Variants in ENPP3 observed in about 807,000 individuals in gnomAD.
ENPP3 encodes the protein ectonucleotide pyrophosphatase/phosphodiesterase 3, also known as ectonucleotide pyrophosphatase/phosphodiesterase family member 3.
A neutral mutation model predicts 117.8 loss-of-function variants in ENPP3; 104 were observed. That is an observed-to-expected ratio of 0.88 (90% CI 0.75 to 1.04). ENPP3 has a LOEUF of 1.04. Among genes scored for constraint, ENPP3 ranks in the 50% least tolerant of loss-of-function variants. The pLI is 0.00. For synonymous variants in ENPP3, 380 were observed against 349.9 expected, an observed-to-expected ratio of 1.09 and a Z score of -0.96; for missense variants, 1,026 against 1,051.9, an observed-to-expected ratio of 0.98 and a Z score of 0.34.
At chr6:131,656,766 CAA>C (rs776315476) in intron 5 of ENPP3, among the ~76,000 whole-genome samples, 35 of 90,802 alleles carry the variant, frequency 3.9e-4, no homozygotes, top group South Asian at 2.7e-3. Context: ...GACTCCGTCT[CAA>C]AAAAAAAAAA....
At chr6:131,662,748 A>T (rs903987675) in intron 6 of ENPP3, among the ~76,000 whole-genome samples, 2 of 152,094 alleles carry the variant, frequency 1.3e-5, no homozygotes, top group African/African-American at 4.8e-5. Context: ...TTTGATAAAG[A>T]TTACATTGAA....
At chr6:131,734,406 A>G (rs972948602) in intron 21 of ENPP3, among the ~76,000 whole-genome samples, 2 of 152,128 alleles carry the variant, frequency 1.3e-5, no homozygotes, top group African/African-American at 4.8e-5. Flanking sequence ...TGCCTATGAG[A>G]TTTTCAACAA....
At position 131,641,453 on chromosome 6, in the gene ENPP3, A is replaced by G. The variant is rs1302701126; in HGVS notation, c.79-2A>G. 6 of 1,605,110 alleles carry G rather than the reference A, an allele frequency of 3.7e-6. No individual in the cohort carries two copies. In the Admixed American group the frequency reaches 6.7e-5, roughly 18 times the overall value. Reference sequence around the variant, plus strand: ...AAAGTTACTTTTTCCTTTTTGCAATAGGTTCTTCTTGCTTTGCTGGTGATC... The same window carrying G: ...AAAGTTACTTTTTCCTTTTTGCAATGGGTTCTTCTTGCTTTGCTGGTGATC... On this transcript the variant is annotated splice_acceptor_variant, in intron 1 of 24. Coordinates refer to ENST00000357639, the MANE Select transcript of ENPP3 (RefSeq NM_005021.5). LOFTEE classifies it high-confidence loss of function.
In ENPP3 at chr6:131,735,669, T is replaced by C. The variant is rs76642512; in HGVS notation, c.2090-1686T>C. Among the ~76,000 whole-genome samples, 5 of 152,302 alleles carry C rather than the reference T, an allele frequency of 3.3e-5. No individual in the cohort carries two copies. The South Asian group carries it at 6.2e-4, about 19-fold the overall frequency. ...AAAGTATTATAATAGAAAATTCATATAAGTGGAATTGTGCACTATATGTGT... is the reference window on the plus strand; with the variant it reads ...AAAGTATTATAATAGAAAATTCATACAAGTGGAATTGTGCACTATATGTGT... On this transcript the variant is annotated intron_variant, in intron 21 of 24. Coordinates refer to ENST00000357639, the MANE Select transcript of ENPP3 (RefSeq NM_005021.5).
At chr6:131,680,208 T>C (rs1778995009) in intron 11 of ENPP3, among the ~76,000 whole-genome samples, 1 of 152,076 alleles carries the variant, frequency 6.6e-6, no homozygotes, top group Admixed American at 6.6e-5. Flanking sequence ...GAGGCAAACA[T>C]TGTGGATGGA....
At chr6:131,690,045 G>A (rs1044624191) in intron 14 of ENPP3, among the ~76,000 whole-genome samples, 9 of 152,272 alleles carry the variant, frequency 5.9e-5, no homozygotes, top group Admixed American at 2.6e-4. Context: ...TGCTTCTTAC[G>A]GATGAGTAAA....
chr6:131,649,922 G>T, intron 2 of ENPP3, 105 bp from the exon 3 acceptor site: 1 of 1,169,910 alleles, frequency 8.5e-7, no homozygotes, highest in African/African-American at 1.5e-5. Flanking sequence ...TCATCTAGTT[G>T]TCTGTCATAG....
intron 11 of ENPP3, 144 bp from the exon 12 acceptor site, chr6:131,682,910 G>T (rs756062278): frequency 3.2e-6 from 2 of 630,300 alleles, no homozygotes; most frequent in African/African-American, 3.8e-5. Flanking sequence ...TGGTAGCATG[G>T]GTGCTAGTGC....
At chr6:131,646,284 G>GTGTT (rs974273259) in intron 2 of ENPP3, among the ~76,000 whole-genome samples, 9 of 148,626 alleles carry the variant, frequency 6.1e-5, no homozygotes, top group African/African-American at 2.3e-4. Flanking sequence ...CTGTGTGTGT[G>GTGTT]TGTGTGTGTG....
At chr6:131,698,060 T>G (rs1779448150) in intron 15 of ENPP3, among the ~76,000 whole-genome samples, 1 of 152,168 alleles carries the variant, frequency 6.6e-6, no homozygotes, top group African/African-American at 2.4e-5. Flanking sequence ...ACATAGATTT[T>G]TATTTCCAGC....
Position 131,658,331 on chromosome 6 carries a change from T to C in ENPP3, c.473T>C (p.Leu158Pro), listed in dbSNP as rs200033475. ...TTGTTTTCCATTTTCAGGTTTGACC[T>C]GCCACCAGTTATCTTGTTTTCTATG... Reference protein sequence around the residue: ...QQSQCPEGFDLPPVILFSMDG... With the variant: ...QQSQCPEGFDPPPVILFSMDG... Residue 158 changes from leucine (L) to proline (P), a missense_variant, in exon 6 of 25, where the codon CTG becomes CCG. Coordinates refer to ENST00000357639, the MANE Select transcript of ENPP3 (RefSeq NM_005021.5). 122 of 1,603,070 alleles carry C rather than the reference T, an allele frequency of 7.6e-5. No homozygotes were observed. Among genetic ancestry groups the C allele is most frequent in the Non-Finnish European group, 9.7e-5 (114 of 1,170,414 alleles).
chr6:131,694,579 G>A (rs1345412313), intron 15 of ENPP3, among the ~76,000 whole-genome samples: 1 of 152,052 alleles, frequency 6.6e-6, no homozygotes, highest in Non-Finnish European at 1.5e-5. Context: ...CAAAGAAAAA[G>A]GAGATGACAC....
chr6:131,701,491 G>A, intron 15 of ENPP3: 2 of 604,786 alleles, frequency 3.3e-6, no homozygotes, highest in Non-Finnish European at 6.0e-6. Flanking sequence ...GGCACTCTTT[G>A]GTGAAGTAGA....
At chr6:131,644,381 A>T (rs1778114351) in intron 2 of ENPP3, among the ~76,000 whole-genome samples, 2 of 152,232 alleles carry the variant, frequency 1.3e-5, no homozygotes, top group African/African-American at 4.8e-5. Context: ...TCAGGAGATT[A>T]TTCCAATAAT....
intron 15 of ENPP3, among the ~76,000 whole-genome samples, chr6:131,706,379 CT>C: frequency 7.2e-6 from 1 of 139,472 alleles, no homozygotes; most frequent in Non-Finnish European, 1.5e-5. Flanking sequence ...AAAAAGTTAA[CT>C]GCTAAACAGT....
intron 24 of ENPP3, among the ~76,000 whole-genome samples, chr6:131,742,513 G>A (rs1048213724): frequency 6.6e-6 from 1 of 152,022 alleles, no homozygotes; most frequent in African/African-American, 2.4e-5. Flanking sequence ...TCATTTGTCA[G>A]TGTGCACTAC....
intron 20 of ENPP3, among the ~76,000 whole-genome samples, chr6:131,728,798 G>C (rs1585726196): frequency 6.6e-6 from 1 of 152,282 alleles, no homozygotes; most frequent in South Asian, 2.1e-4. Context: ...TGGGGAAGTA[G>C]TTGTGATTTG....
chr6:131,641,479 A>C lies in ENPP3; in HGVS notation c.103A>C (p.Met35Leu). 1 of 1,612,256 alleles carries C rather than the reference A, an allele frequency of 6.2e-7. No individual in the cohort carries two copies. The highest frequency in any genetic ancestry group is 1.1e-5 in the South Asian group (1 of 90,892). ...GGTTCTTCTTGCTTTGCTGGTGATC[A>C]TGTCACTTGGATTAGGCCTGGGGCT... ...CIVLLALLVI[M>L]SLGLGLGLGL... Residue 35 changes from methionine to leucine, a missense_variant, in exon 2 of 25, where the codon ATG (methionine) becomes CTG (leucine). Transcript: ENST00000357639.
At chr6:131,655,038 G>GC (rs765325038) in intron 5 of ENPP3, among the ~76,000 whole-genome samples, 1 of 152,216 alleles carries the variant, frequency 6.6e-6, no homozygotes, top group Non-Finnish European at 1.5e-5. Flanking sequence ...GAGGGAATAT[G>GC]CTTGGTGAGC....
Sources: allele counts gnomAD v4.1 joint callset (sites outside exome capture counted in the v4.1 genomes callset), GRCh38; gene constraint gnomAD v4.1.1; transcripts MANE v1.5; gene names NCBI Gene and HGNC (gene_info 2026-07-23, HGNC 2026-07-21).